FAM53B: variants seen among roughly 807,000 people sequenced by gnomAD.
FAM53B encodes protein FAM53B.
In FAM53B, 12 loss-of-function variants were observed where a neutral mutation model predicts 32.7. The observed-to-expected ratio is 0.37, with a 90% CI of 0.24 to 0.59. The LOEUF is 0.59. Among genes scored for constraint, FAM53B ranks in the 20% least tolerant of loss-of-function variants. The pLI is 0.72. For synonymous variants in FAM53B, 234 were observed against 228.7 expected (o/e 1.02, Z -0.21); for missense variants, 477 against 577.7 (o/e 0.83, Z 1.79).
At chr10:124,697,817 C>A (rs944350695) in intron 2 of FAM53B, among the ~76,000 whole-genome samples, 33 of 152,150 alleles carry the variant, frequency 2.2e-4, no homozygotes, top group African/African-American at 7.5e-4. Context: ...ACAGTATCAT[C>A]AGGCTCAGTC....
chr10:124,730,217 T>G (rs74340305), intron 1 of FAM53B, among the ~76,000 whole-genome samples: 1 of 152,186 alleles, frequency 6.6e-6, no homozygotes, highest in African/African-American at 2.4e-5. Flanking sequence ...GTATAACCCA[T>G]CAGGCCCAAA....
chr10:124,723,121 A>C (rs1405582998), intron 1 of FAM53B, among the ~76,000 whole-genome samples: 1 of 152,214 alleles, frequency 6.6e-6, no homozygotes. Context: ...CAGAATGCAG[A>C]GCTTGAATCA....
intron 1 of FAM53B, among the ~76,000 whole-genome samples, chr10:124,713,039 G>C (rs2134090833): frequency 6.6e-6 from 1 of 152,234 alleles, no homozygotes; most frequent in East Asian, 1.9e-4. Context: ...CTGCTGCCGT[G>C]GTCAGCAAGA....
chr10:124,685,799 C>T (rs1474748249), intron 3 of FAM53B, among the ~76,000 whole-genome samples: 2 of 152,176 alleles, frequency 1.3e-5, no homozygotes, highest in African/African-American at 4.8e-5. Flanking sequence ...GGCCAGCCTG[C>T]GATCTTGGTG....
At chr10:124,714,292 GGAAA>G (rs1282918249) in intron 1 of FAM53B, 60 of 152,176 alleles carry the variant, frequency 3.9e-4, no homozygotes, top group African/African-American at 1.4e-3. Context: ...AGTTGATACT[GGAAA>G]GAGAGTCTGG....
intron 4 of FAM53B, among the ~76,000 whole-genome samples, chr10:124,638,746 C>T (rs559974226): frequency 4.6e-5 from 7 of 152,296 alleles, no homozygotes; most frequent in African/African-American, 9.6e-5. Flanking sequence ...CCTTCAGGGG[C>T]GAGGACAAGG....
At position 124,733,979 on chromosome 10, in the gene FAM53B, G is replaced by A. The variant is rs543112595; in HGVS notation, c.-175+10034C>T. On this transcript the variant is annotated intron_variant, in intron 1 of 4. Transcript: ENST00000337318. This position sits in a 1 kb window ranked among gnomAD's most constrained non-coding sequence, Gnocchi z 4.3. ...TGGGGACACCTGCTCTCCTGGTCTC[G>A]AATGTCTCCTCCTCCCCGTTCTTCA... Among the ~76,000 whole-genome samples, 2 of 152,266 alleles carry A rather than the reference G, an allele frequency of 1.3e-5. No individual in the cohort carries two copies. Among genetic ancestry groups the A allele is most frequent in the South Asian group, 2.1e-4 (1 of 4,824 alleles).
At chr10:124,660,146 A>C (rs1949620123) in intron 4 of FAM53B, among the ~76,000 whole-genome samples, 1 of 152,224 alleles carries the variant, frequency 6.6e-6, no homozygotes, top group South Asian at 2.1e-4. Context: ...AGTGGCGAGA[A>C]GCCCAGTGCT....
At chr10:124,712,460 G>A (rs374007828) in intron 1 of FAM53B, among the ~76,000 whole-genome samples, 1 of 152,178 alleles carries the variant, frequency 6.6e-6, no homozygotes, top group African/African-American at 2.4e-5. Context: ...AAAAAGCTCG[G>A]CACAGAGAAG....
At chr10:124,693,617 C>G (rs928290641) in intron 3 of FAM53B, among the ~76,000 whole-genome samples, 1 of 152,184 alleles carries the variant, frequency 6.6e-6, no homozygotes, top group Non-Finnish European at 1.5e-5. Context: ...CTCCTGACTG[C>G]TGACACCCGC....
chr10:124,741,439 T>G (rs573524205), intron 1 of FAM53B, among the ~76,000 whole-genome samples: 80 of 151,886 alleles, frequency 5.3e-4, no homozygotes, highest in Non-Finnish European at 1.0e-3. Context: ...GTGAGAAGAG[T>G]GTGCTTTTTA....
intron 4 of FAM53B, among the ~76,000 whole-genome samples, chr10:124,631,682 C>T (rs1035574562): frequency 2.0e-5 from 3 of 152,186 alleles, no homozygotes; most frequent in Admixed American, 1.3e-4. Flanking sequence ...CTGGGCCCTC[C>T]GCCCTTGCTG....
intron 4 of FAM53B, among the ~76,000 whole-genome samples, chr10:124,645,664 G>A (rs1165756568): frequency 1.3e-5 from 2 of 152,204 alleles, no homozygotes; most frequent in Non-Finnish European, 2.9e-5. Context: ...CACTGTTGGC[G>A]GCTGTCTGGC....
intron 4 of FAM53B, among the ~76,000 whole-genome samples, chr10:124,676,164 G>A (rs905323477): frequency 4.6e-5 from 7 of 152,160 alleles, no homozygotes; most frequent in African/African-American, 1.2e-4. Context: ...AACTACTCTC[G>A]TGTGCCTGCC....
At chr10:124,700,388 C>A (rs1949907359) in intron 2 of FAM53B, among the ~76,000 whole-genome samples, 1 of 152,088 alleles carries the variant, frequency 6.6e-6, no homozygotes, top group Non-Finnish European at 1.5e-5. Context: ...CGAGGGAACC[C>A]CTCGGCCCTC....
chr10:124,741,769 A>T (rs1243780473), intron 1 of FAM53B, among the ~76,000 whole-genome samples: 1 of 152,250 alleles, frequency 6.6e-6, no homozygotes, highest in Non-Finnish European at 1.5e-5. Flanking sequence ...GGTGACAATA[A>T]GGTATCATAA....
rs930351298 is a variant in FAM53B, at chr10:124,619,614, T to G, written c.*3628A>C. ...AAAAGACTATGCTAGAAGGTCAGACTATCCTATCTAGGCTACAAGATCTCC... is the reference window on the plus strand; with the variant it reads ...AAAAGACTATGCTAGAAGGTCAGACGATCCTATCTAGGCTACAAGATCTCC... On this transcript the variant is annotated 3_prime_UTR_variant, in exon 5 of 5. Coordinates refer to ENST00000337318, the MANE Select transcript of FAM53B (RefSeq NM_014661.4). 3.3e-5 allele frequency: 5 copies of G among 151,480 alleles called. No individual in the cohort carries two copies. Among genetic ancestry groups the G allele is most frequent in the Non-Finnish European group, 2.9e-5 (2 of 67,808 alleles). 9.4% of individuals were successfully genotyped at this position (151,480 alleles called of 1,614,324 possible). A position where few individuals can be genotyped will look rare whatever the true frequency, so the allele number is the denominator to read the frequency against.
intron 4 of FAM53B, among the ~76,000 whole-genome samples, chr10:124,654,138 G>A (rs551145795): frequency 8.5e-5 from 13 of 152,238 alleles, no homozygotes; most frequent in Non-Finnish European, 1.9e-4. Flanking sequence ...AAAGAAAGAG[G>A]CTCCTATCCT....
At chr10:124,661,810 C>G (rs542399629) in intron 4 of FAM53B, among the ~76,000 whole-genome samples, 1 of 152,264 alleles carries the variant, frequency 6.6e-6, no homozygotes, top group African/African-American at 2.4e-5. Flanking sequence ...CAATCTTAGC[C>G]TGCTTCATCC....
Sources: gnomAD v4.1 joint callset for allele counts (sites outside exome capture counted in the v4.1 genomes callset) on GRCh38, gnomAD v4.1.1 for gene constraint, Gnocchi (gnomAD v3.1) non-coding constraint, MANE v1.5 for transcripts, NCBI Gene and HGNC (gene_info 2026-07-23, HGNC 2026-07-21) for gene names.